Variants in MAPK4 observed in about 807,000 individuals in gnomAD.
MAPK4 encodes the protein mitogen-activated protein kinase 4, also known as Erk3-related.
In MAPK4, 22 loss-of-function variants were observed where a neutral mutation model predicts 47.7. The ratio of observed to expected loss-of-function variants is 0.46; its 90% CI spans 0.33 to 0.66. MAPK4 has a LOEUF of 0.66. Ranked by LOEUF, MAPK4 falls within the 30% of genes least tolerant of loss-of-function variation. MAPK4 has a pLI of 0.02. For synonymous variants in MAPK4, 390 were observed against 365.7 expected, an observed-to-expected ratio of 1.07 and a Z score of -0.76; for missense variants, 736 against 831.7, an observed-to-expected ratio of 0.88 and a Z score of 1.42.
intron 2 of MAPK4, among the ~76,000 whole-genome samples, chr18:50,671,724 C>T (rs1334058143): frequency 2.6e-5 from 4 of 151,690 alleles, no homozygotes; most frequent in Non-Finnish European, 5.9e-5. Context: ...CCCATGTCTA[C>T]AAAAAATAAG....
At chr18:50,562,496 G>A (rs1377351633) in intron 1 of MAPK4, among the ~76,000 whole-genome samples, 1 of 151,940 alleles carries the variant, frequency 6.6e-6, no homozygotes, top group Non-Finnish European at 1.5e-5. Context: ...ATGAAGACAG[G>A]GCCAGCTGAA....
chr18:50,715,524 T>G (rs1454155251), intron 3 of MAPK4, among the ~76,000 whole-genome samples: 1 of 152,206 alleles, frequency 6.6e-6, no homozygotes, highest in Non-Finnish European at 1.5e-5. Flanking sequence ...CCCAAGGTGA[T>G]GCTATTAGGA....
chr18:50,673,015 G>A (rs961768479), intron 2 of MAPK4, among the ~76,000 whole-genome samples: 1 of 152,160 alleles, frequency 6.6e-6, no homozygotes, highest in Admixed American at 6.5e-5. Flanking sequence ...AGTGGCTCAC[G>A]CCTGTAATCC....
intron 1 of MAPK4, among the ~76,000 whole-genome samples, chr18:50,563,956 A>G (rs1338921353): frequency 6.6e-6 from 1 of 152,158 alleles, no homozygotes; most frequent in African/African-American, 2.4e-5. Flanking sequence ...GGCTGTGTTC[A>G]CCATGAGACA....
intron 1 of MAPK4, among the ~76,000 whole-genome samples, chr18:50,635,942 C>G (rs1249739879): frequency 6.6e-6 from 1 of 152,222 alleles, no homozygotes; most frequent in Admixed American, 6.5e-5. Context: ...CCTTGATGGC[C>G]TGGTCCACAT....
At chr18:50,705,619 A>G (rs1182847510) in intron 2 of MAPK4, 1 of 152,190 alleles carries the variant, frequency 6.6e-6, no homozygotes, top group Non-Finnish European at 1.5e-5. Flanking sequence ...AAGGGAGCTG[A>G]GAGAAAAGTT....
chr18:50,725,993 T>C lies in MAPK4; in HGVS notation c.885T>C (p.Phe295=). ...AIDFLEKILT[F]NPMDRLTAEM... ...ACTTTCTGGAGAAGATCCTGACCTT[T>C]AACCCCATGGATCGCCTAACAGCTG... Residue 295 remains phenylalanine, a synonymous_variant, in exon 5 of 6, where the codon TTT becomes TTC. Coordinates refer to ENST00000400384, the MANE Select transcript of MAPK4 (RefSeq NM_002747.4). 6.2e-7 allele frequency: 1 copy of C among 1,614,158 alleles called. No individual in the cohort carries two copies. The highest frequency in any genetic ancestry group is 8.5e-7 in the Non-Finnish European group (1 of 1,180,030).
chr18:50,717,752 G>T (rs948938831), intron 3 of MAPK4, among the ~76,000 whole-genome samples: 20 of 152,200 alleles, frequency 1.3e-4, no homozygotes, highest in Non-Finnish European at 2.9e-4. Context: ...GACAATCTCA[G>T]TTGCTGGCCT....
chr18:50,729,653 G>GC lies in MAPK4; in HGVS notation c.1569dup (p.Gly524ArgfsTer37), dbSNP rs1282228187. On this transcript the variant is annotated frameshift_variant, in exon 6 of 6. Coordinates refer to ENST00000400384, the MANE Select transcript of MAPK4 (RefSeq NM_002747.4). LOFTEE classifies it high-confidence loss of function. ...ACCCCGAGCGCCGCTTGTCTGCCTC[G>GC]CCCCCCGGCCGCCCGGCCCCGGTGG... 3.3e-6 allele frequency: 5 copies of GC among 1,509,978 alleles called. No individual in the cohort carries two copies. The highest frequency in any genetic ancestry group is 2.1e-5 in the Admixed American group (1 of 46,904). The allele number at this position is 1,509,978 out of a possible 1,614,324, so 93.5% of individuals were successfully genotyped here.
chr18:50,575,443 C>T (rs550639360), intron 1 of MAPK4, among the ~76,000 whole-genome samples: 272 of 152,314 alleles, frequency 1.8e-3, no homozygotes, highest in Non-Finnish European at 3.2e-3. Context: ...AAAAGCTATT[C>T]CCAGTTTTTA....
intron 1 of MAPK4, among the ~76,000 whole-genome samples, chr18:50,579,386 T>C (rs1427798295): frequency 6.6e-6 from 1 of 152,218 alleles, no homozygotes; most frequent in Non-Finnish European, 1.5e-5. Flanking sequence ...TACATGAATA[T>C]TGTTTTTCAA....
At chr18:50,579,323 A>G (rs1427021776) in intron 1 of MAPK4, among the ~76,000 whole-genome samples, 2 of 152,148 alleles carry the variant, frequency 1.3e-5, no homozygotes, top group Non-Finnish European at 2.9e-5. Flanking sequence ...AGGATTTTAA[A>G]TACTGTGTGT....
At position 50,729,548 on chromosome 18, in the gene MAPK4, G is replaced by A. The variant is rs770212245; in HGVS notation, c.1458G>A (p.Pro486=). The change falls in exon 6 of 6, where the codon CCG becomes CCA. Residue 486 remains proline (P), a synonymous_variant. Coordinates refer to ENST00000400384, the MANE Select transcript of MAPK4 (RefSeq NM_002747.4). ...ACACGGGGGCGCGCGAGGACGAGCC[G>A]GCCAGCCTCTTCCTGGAGATCGCGC... is the stretch of plus-strand genomic sequence containing the variant. The part of the protein sequence containing the change: ...LADTGAREDE[P]ASLFLEIAQW... 30 of 1,428,032 alleles carry A rather than the reference G, an allele frequency of 2.1e-5. No homozygotes were observed. Among genetic ancestry groups the A allele is most frequent in the Non-Finnish European group, 2.6e-5 (28 of 1,090,646 alleles). The allele number at this position is 1,428,032 out of a possible 1,614,324, so 88.5% of individuals were successfully genotyped here. A position where few individuals can be genotyped will look rare whatever the true frequency, so the allele number is the denominator to read the frequency against.
intron 2 of MAPK4, among the ~76,000 whole-genome samples, chr18:50,668,243 C>T (rs1907719348): frequency 6.6e-6 from 1 of 152,192 alleles, no homozygotes. Context: ...GGCGCACCAC[C>T]CTCCTGGCAC....
At chr18:50,711,823 A>AG (rs1282897497) in intron 2 of MAPK4, among the ~76,000 whole-genome samples, 4 of 138,506 alleles carry the variant, frequency 2.9e-5, no homozygotes, top group African/African-American at 1.1e-4. Context: ...TATTCTTTAA[A>AG]GTTTTTTTTT....
chr18:50,681,773 G>T (rs74322534), intron 2 of MAPK4, among the ~76,000 whole-genome samples: 1,544 of 152,084 alleles, frequency 0.01, 30 homozygotes, highest in African/African-American at 0.035. Flanking sequence ...TGTATATATC[G>T]CTGTTATTCC....
intron 1 of MAPK4, among the ~76,000 whole-genome samples, chr18:50,593,466 A>G (rs1399038817): frequency 6.6e-6 from 1 of 152,226 alleles, no homozygotes; most frequent in East Asian, 1.9e-4. Context: ...TCCTAGCTGT[A>G]TATGCTTCAG....
In MAPK4 at chr18:50,726,042, A is replaced by G. The variant is rs1333933438; in HGVS notation, c.934A>G (p.Met312Val). The G allele has an allele frequency of 6.2e-7, 1 of 1,613,766 alleles. No homozygotes were observed. Among genetic ancestry groups the G allele is most frequent in the African/African-American group, 1.3e-5 (1 of 74,850 alleles). ...TAEMGLQHPY[M>V]SPYSCPEDEP... ...TGAGATGGGGCTGCAACACCCCTAC[A>G]TGAGCCCATACTCGTGCCCTGAGGA... Residue 312 changes from methionine (M) to valine (V), a missense_variant, in exon 5 of 6, where the codon ATG (methionine) becomes GTG (valine). Physicochemically the swap from Met to Val is conservative, Grantham distance 21. Around this residue, in one of 3 missense-constraint regions of MAPK4, gnomAD observed 32 missense variants for 57.7 expected, o/e 0.55. Coordinates refer to ENST00000400384, the MANE Select transcript of MAPK4 (RefSeq NM_002747.4).
intron 1 of MAPK4, among the ~76,000 whole-genome samples, chr18:50,651,411 G>A (rs1197473675): frequency 1.6e-4 from 25 of 152,330 alleles, no homozygotes; most frequent in East Asian, 1.9e-4. Flanking sequence ...AGAGGGTTGT[G>A]GGTGTGTGGA....
Sources: allele counts gnomAD v4.1 joint callset (sites outside exome capture counted in the v4.1 genomes callset), GRCh38; gene constraint gnomAD v4.1.1; regional missense constraint gnomAD v4.1.1; transcripts MANE v1.5; gene names NCBI Gene and HGNC (gene_info 2026-07-23, HGNC 2026-07-21).